The following PBX3 variants were observed in gnomAD, a reference collection of about 807,000 sequenced individuals.
PBX3 encodes PBX homeobox 3.
In PBX3, 14 loss-of-function variants were observed where a neutral mutation model predicts 48.5. The ratio of observed to expected loss-of-function variants is 0.29; its 90% CI spans 0.19 to 0.45. The LOEUF (loss-of-function observed/expected upper bound fraction) is 0.45, where lower values mean the gene tolerates loss of function less well. Among genes scored for constraint, PBX3 ranks in the 20% least tolerant of loss-of-function variants. PBX3 has a pLI of 1.00. For synonymous variants in PBX3, 210 were observed against 200.3 expected, an observed-to-expected ratio of 1.05 and a Z score of -0.41; for missense variants, 386 against 546.7, an observed-to-expected ratio of 0.71 and a Z score of 2.93.
chr9:125,786,638 A>G (rs1191472098), intron 2 of PBX3, among the ~76,000 whole-genome samples: 2 of 152,156 alleles, frequency 1.3e-5, no homozygotes, highest in African/African-American at 4.8e-5. Context: ...TAGAGTTAAG[A>G]GCACAAATAG....
At chr9:125,752,626 CT>C (rs558285210) in intron 2 of PBX3, among the ~76,000 whole-genome samples, 1 of 152,106 alleles carries the variant, frequency 6.6e-6, no homozygotes, top group South Asian at 2.1e-4. Context: ...TCTTTGGAGT[CT>C]TTTTTTGGTG....
intron 2 of PBX3, among the ~76,000 whole-genome samples, chr9:125,787,189 A>G (rs1465292544): frequency 2.0e-5 from 3 of 152,032 alleles, no homozygotes; most frequent in Non-Finnish European, 4.4e-5. Context: ...GCAGGTGTAC[A>G]CCACCACACC....
intron 2 of PBX3, among the ~76,000 whole-genome samples, chr9:125,876,494 A>T (rs2081875975): frequency 6.6e-6 from 1 of 152,224 alleles, no homozygotes; most frequent in African/African-American, 2.4e-5. Flanking sequence ...CCACTAAATG[A>T]ACAGTAAATA....
chr9:125,790,788 A>T lies in PBX3; in HGVS notation c.274+42165A>T, dbSNP rs756446284. Among the ~76,000 whole-genome samples the T allele has an allele frequency of 2.6e-4, 39 of 151,866 alleles. 1 individual carries two copies. Among genetic ancestry groups the T allele is most frequent in the Non-Finnish European group, 4.4e-4 (30 of 67,988 alleles). On this transcript the variant is annotated intron_variant, in intron 2 of 8. Coordinates refer to ENST00000373489, the MANE Select transcript of PBX3 (RefSeq NM_006195.6). ...TACTATGTTGCCCGGACTGGTCTTG[A>T]ACTTCTGGCCTGGAGTGATCCTCTC...
intron 2 of PBX3, among the ~76,000 whole-genome samples, chr9:125,908,661 G>T (rs10987021): frequency 0.02 from 3,028 of 152,054 alleles, 172 homozygotes; most frequent in East Asian, 0.17. Flanking sequence ...AGTAGCTGGG[G>T]TCACAAAGAC....
chr9:125,778,549 G>A (rs1389467865), intron 2 of PBX3, among the ~76,000 whole-genome samples: 2 of 150,890 alleles, frequency 1.3e-5, no homozygotes, highest in African/African-American at 4.9e-5. Flanking sequence ...GAGCCACTGC[G>A]CCCGGCCTTT....
At chr9:125,866,066 A>AAAAGC (rs1448431150) in intron 2 of PBX3, among the ~76,000 whole-genome samples, 1 of 152,132 alleles carries the variant, frequency 6.6e-6, no homozygotes, top group African/African-American at 2.4e-5. Context: ...AGTGTTTGAA[A>AAAAGC]AAAGCAACGG....
chr9:125,813,852 C>G (rs1168915341), intron 2 of PBX3, among the ~76,000 whole-genome samples: 1 of 150,920 alleles, frequency 6.6e-6, no homozygotes, highest in African/African-American at 2.4e-5. Flanking sequence ...ATGAAAAGAT[C>G]TAGAGAAATA....
chr9:125,809,275 G>C (rs1049750282), intron 2 of PBX3, among the ~76,000 whole-genome samples: 2 of 152,202 alleles, frequency 1.3e-5, no homozygotes, highest in South Asian at 4.2e-4. Flanking sequence ...GTTGATTTTG[G>C]GGTTACAAAT....
chr9:125,936,467 T>C (rs1425875187), intron 5 of PBX3, among the ~76,000 whole-genome samples: 1 of 152,192 alleles, frequency 6.6e-6, no homozygotes, highest in Non-Finnish European at 1.5e-5. Flanking sequence ...CTGACGCTTG[T>C]CAAAAATTTC....
chr9:125,888,111 G>C (rs1043187724), intron 2 of PBX3, among the ~76,000 whole-genome samples: 3 of 152,106 alleles, frequency 2.0e-5, no homozygotes, highest in African/African-American at 7.2e-5. Context: ...GCATTTAGAC[G>C]TAAAAGAAAT....
chr9:125,854,691 T>C (rs984863699), intron 2 of PBX3, among the ~76,000 whole-genome samples: 10 of 152,362 alleles, frequency 6.6e-5, no homozygotes, highest in African/African-American at 2.4e-4. Context: ...CATTGCTTTC[T>C]TTCCCCATTT....
chr9:125,952,338 G>T (rs2118771287), intron 5 of PBX3, among the ~76,000 whole-genome samples: 1 of 152,318 alleles, frequency 6.6e-6, no homozygotes, highest in East Asian at 1.9e-4. Flanking sequence ...CAACACCAAG[G>T]ATGAACTACA....
chr9:125,773,971 C>T (rs1837007060), intron 2 of PBX3, among the ~76,000 whole-genome samples: 1 of 152,120 alleles, frequency 6.6e-6, no homozygotes, highest in African/African-American at 2.4e-5. Context: ...ATTTTCATCC[C>T]CTCTAAAGAA....
Position 125,899,454 on chromosome 9 carries a change from T to TATATAGAG in PBX3, c.275-16231_275-16230insTATAGAGA, listed in dbSNP as rs1377456112. Among the ~76,000 whole-genome samples the TATATAGAG allele has an allele frequency of 3.1e-4, 32 of 103,754 alleles. 1 individual carries two copies. The highest frequency in any genetic ancestry group is 1.2e-3 in the South Asian group (4 of 3,334). The allele number at this position is 103,754 out of a possible 152,430, so 68.1% of individuals were successfully genotyped here. On this transcript the variant is annotated intron_variant, in intron 2 of 8. Coordinates refer to ENST00000373489, the MANE Select transcript of PBX3 (RefSeq NM_006195.6). ...ATATATATGTGTGTATATATATATA[T>TATATAGAG]AGAGAGAGAGAGAGAGAGAGAGAGA...
chr9:125,960,246 C>T (rs1322588606), intron 5 of PBX3, among the ~76,000 whole-genome samples: 1 of 152,186 alleles, frequency 6.6e-6, no homozygotes, highest in Non-Finnish European at 1.5e-5. Flanking sequence ...GCAGACCAAA[C>T]ATGATTCTAC....
chr9:125,944,468 G>A (rs993742350), intron 5 of PBX3, among the ~76,000 whole-genome samples: 19 of 152,168 alleles, frequency 1.2e-4, no homozygotes, highest in African/African-American at 4.3e-4. Context: ...TTCTCCCCAA[G>A]AAATACTGAA....
At chr9:125,936,008 T>C (rs938521843) in intron 5 of PBX3, among the ~76,000 whole-genome samples, 1 of 152,204 alleles carries the variant, frequency 6.6e-6, no homozygotes, top group Non-Finnish European at 1.5e-5. Context: ...TTAATATAAC[T>C]CTTTGGTGAA....
intron 2 of PBX3, among the ~76,000 whole-genome samples, chr9:125,890,644 T>G (rs959820618): frequency 6.6e-6 from 1 of 152,220 alleles, no homozygotes; most frequent in African/African-American, 2.4e-5. Flanking sequence ...ATAAATGTGC[T>G]TTCTCTATTC....
Sources: allele counts gnomAD v4.1 joint callset (sites outside exome capture counted in the v4.1 genomes callset), GRCh38; gene constraint gnomAD v4.1.1; transcripts MANE v1.5; gene names NCBI Gene and HGNC (gene_info 2026-07-23, HGNC 2026-07-21).